Variants in CNTLN observed in about 807,000 individuals in gnomAD.
CNTLN encodes the protein centlein, centrosomal protein.
A neutral mutation model predicts 180.0 loss-of-function variants in CNTLN; 212 were observed. The ratio of observed to expected loss-of-function variants is 1.18; its 90% confidence interval spans 1.05 to 1.32. The LOEUF (loss-of-function observed/expected upper bound fraction) is 1.32. Among genes scored for constraint, CNTLN ranks in the 40% most tolerant of loss-of-function variants. The pLI, the probability that CNTLN is intolerant of heterozygous loss-of-function variation, is 0.00. For synonymous variants in CNTLN, 722 were observed against 563.1 expected, an observed-to-expected ratio of 1.28 and a Z score of -3.99; for missense variants, 2,095 against 1,610.9, an observed-to-expected ratio of 1.30 and a Z score of -5.14.
At chr9:17,380,189 G>T (rs1017772768) in intron 13 of CNTLN, among the ~76,000 whole-genome samples, 1 of 152,198 alleles carries the variant, frequency 6.6e-6, no homozygotes, top group African/African-American at 2.4e-5. Context: ...CTCATTGCCA[G>T]TGGATCCTCA....
intron 2 of CNTLN, among the ~76,000 whole-genome samples, chr9:17,146,926 C>G (rs563090416): frequency 1.3e-5 from 2 of 151,414 alleles, no homozygotes; most frequent in Admixed American, 1.3e-4. Flanking sequence ...TGGGTAACTT[C>G]TGTTTGTTCT....
rs143511362 is a variant in CNTLN, at chr9:17,206,776, C to G, written c.450-19427C>G. Among the ~76,000 whole-genome samples the G allele has an allele frequency of 6.6e-4, 100 of 152,330 alleles. 1 individual carries two copies. Among genetic ancestry groups the G allele is most frequent in the African/African-American group, 2.3e-3 (97 of 41,574 alleles). ...TGAGTGAGCCCCTTTAGGCGTTCAT[C>G]CAGTGTTGTTTCGGAGAAATCTCTG... On this transcript the variant is annotated intron_variant, in intron 2 of 25. Transcript: ENST00000380647.
chr9:17,388,065 C>T, intron 13 of CNTLN, 97 bp from the exon 14 acceptor site: 5 of 655,582 alleles, frequency 7.6e-6, no homozygotes, highest in Non-Finnish European at 1.2e-5. Context: ...CTAGATTATT[C>T]ACAGTTGAAA....
intron 18 of CNTLN, among the ~76,000 whole-genome samples, chr9:17,449,067 C>T (rs926558951): frequency 2.6e-5 from 4 of 152,034 alleles, no homozygotes; most frequent in Admixed American, 6.5e-5. Context: ...ATATGTAAGT[C>T]TCGTGTTTAG....
chr9:17,268,916 G>C (rs575006395), intron 5 of CNTLN, among the ~76,000 whole-genome samples: 3 of 151,892 alleles, frequency 2.0e-5, no homozygotes, highest in African/African-American at 7.3e-5. Flanking sequence ...GGAGTGACCC[G>C]ATTTTCCAGG....
At chr9:17,403,123 T>C (rs1441721943) in intron 15 of CNTLN, among the ~76,000 whole-genome samples, 7 of 151,642 alleles carry the variant, frequency 4.6e-5, no homozygotes, top group African/African-American at 1.7e-4. Flanking sequence ...GGTGGAAGAT[T>C]GGTGGCAGGA....
the CNTLN span, among the ~76,000 whole-genome samples, chr9:17,515,844 A>C: frequency 6.6e-6 from 1 of 152,214 alleles, no homozygotes; most frequent in Non-Finnish European, 1.5e-5. Flanking sequence ...CATTTAAAAC[A>C]CATGAGACCA....
intron 8 of CNTLN, among the ~76,000 whole-genome samples, chr9:17,323,851 A>T (rs1820085322): frequency 6.6e-6 from 1 of 152,126 alleles, no homozygotes; most frequent in Non-Finnish European, 1.5e-5. Context: ...CTAGCAGTTA[A>T]CAAGGTCACA....
At chr9:17,313,090 T>C (rs948244107) in intron 8 of CNTLN, among the ~76,000 whole-genome samples, 1 of 152,214 alleles carries the variant, frequency 6.6e-6, no homozygotes. Flanking sequence ...AACTATAATA[T>C]TTTGTTGGCT....
chr9:17,308,979 T>TACACACAC, intron 7 of CNTLN, 79 bp from the exon 8 acceptor site: 2 of 770,518 alleles, frequency 2.6e-6, no homozygotes, highest in Non-Finnish European at 1.9e-6. Context: ...TATGTATATA[T>TACACACAC]ACACACACAC....
At chr9:17,391,697 G>A (rs578255278) in intron 14 of CNTLN, among the ~76,000 whole-genome samples, 1 of 152,130 alleles carries the variant, frequency 6.6e-6, no homozygotes, top group East Asian at 1.9e-4. Flanking sequence ...TGATTTAATG[G>A]CTAATTCAGA....
intron 18 of CNTLN, among the ~76,000 whole-genome samples, chr9:17,455,906 C>T (rs1197990540): frequency 2.0e-5 from 3 of 151,942 alleles, no homozygotes; most frequent in East Asian, 1.9e-4. Context: ...TATCCACAAA[C>T]ATTTGAGCTT....
chr9:17,312,343 T>TA (rs1819192993), intron 8 of CNTLN, among the ~76,000 whole-genome samples: 5 of 30,378 alleles, frequency 1.6e-4, no homozygotes, highest in South Asian at 5.4e-4. Flanking sequence ...ATTACTGTAT[T>TA]TATATATATA....
intron 23 of CNTLN, among the ~76,000 whole-genome samples, chr9:17,479,165 C>A (rs1249139789): frequency 6.6e-6 from 1 of 152,120 alleles, no homozygotes; most frequent in Admixed American, 6.5e-5. Flanking sequence ...AGAGAACCAC[C>A]ATTGGACTTA....
Position 17,484,391 on chromosome 9 carries a change from T to C in CNTLN, c.3952T>C (p.Ser1318Pro), listed in dbSNP as rs770365859. 1 of 1,612,844 alleles carries C rather than the reference T, an allele frequency of 6.2e-7. No homozygotes were observed. Among genetic ancestry groups the C allele is most frequent in the South Asian group, 1.1e-5 (1 of 90,906 alleles). The change falls in exon 24 of 26, where the codon TCA (serine) becomes CCA (proline). Residue 1318 changes from serine to proline, a missense_variant. Coordinates refer to ENST00000380647, the MANE Select transcript of CNTLN (RefSeq NM_017738.4). The stretch of plus-strand genomic sequence containing the variant: ...GAAAAACAGGGACGCCTGTAAAACC[T>C]CAACCCATAAAGCCCAGACCTTGGC... Reference protein sequence around the residue: ...MKKNRDACKTSTHKAQTLAAS... With the variant: ...MKKNRDACKTPTHKAQTLAAS...
chr9:17,256,264 G>A (rs1438362527), intron 5 of CNTLN, among the ~76,000 whole-genome samples: 2 of 151,902 alleles, frequency 1.3e-5, no homozygotes, highest in African/African-American at 4.8e-5. Context: ...TGGCTACTGA[G>A]TAATCCCAGT....
intron 18 of CNTLN, among the ~76,000 whole-genome samples, chr9:17,452,713 G>A (rs1364144433): frequency 6.6e-6 from 1 of 152,090 alleles, no homozygotes; most frequent in Non-Finnish European, 1.5e-5. Flanking sequence ...ATATTGAATC[G>A]GGTTCTGAAT....
At chr9:17,343,756 A>C (rs1821664567) in intron 12 of CNTLN, among the ~76,000 whole-genome samples, 1 of 152,090 alleles carries the variant, frequency 6.6e-6, no homozygotes, top group Non-Finnish European at 1.5e-5. Flanking sequence ...CCATTATCAC[A>C]ATCTATTTTA....
chr9:17,353,213 C>G (rs1272638950), intron 12 of CNTLN, among the ~76,000 whole-genome samples: 2 of 151,930 alleles, frequency 1.3e-5, no homozygotes, highest in East Asian at 3.9e-4. Flanking sequence ...ATGTCAGCCT[C>G]CCAGAGTACT....
Sources: gnomAD v4.1 joint callset for allele counts (sites outside exome capture counted in the v4.1 genomes callset) on GRCh38, gnomAD v4.1.1 for gene constraint, MANE v1.5 for transcripts, NCBI Gene and HGNC (gene_info 2026-07-23, HGNC 2026-07-21) for gene names.